CTNNA3: variants seen among roughly 807,000 people sequenced by gnomAD.
CTNNA3 encodes catenin alpha 3.
In CTNNA3, 76 loss-of-function variants were observed where a neutral mutation model predicts 95.7. That is an observed-to-expected ratio of 0.79 (90% CI 0.66 to 0.96). The LOEUF (loss-of-function observed/expected upper bound fraction) is 0.96, where lower values mean the gene tolerates loss of function less well. Ranked by LOEUF, CTNNA3 falls within the 40% of genes least tolerant of loss-of-function variation. The pLI is 0.00. For missense variants in CTNNA3, 1,191 were observed against 1,089.8 expected (o/e 1.09, Z -1.31); for synonymous variants, 431 against 374.4 (o/e 1.15, Z -1.74).
intron 7 of CTNNA3, among the ~76,000 whole-genome samples, chr10:67,014,060 C>CT (rs1325697863): frequency 1.3e-5 from 2 of 151,958 alleles, no homozygotes; most frequent in Non-Finnish European, 2.9e-5. Context: ...AAAAAATAAC[C>CT]TTTTTTCCCC....
At chr10:66,660,450 C>A (rs911713497) in intron 9 of CTNNA3, among the ~76,000 whole-genome samples, 1 of 152,266 alleles carries the variant, frequency 6.6e-6, no homozygotes, top group East Asian at 1.9e-4. Context: ...GGACAACCTT[C>A]ATACTGCTGT....
chr10:66,957,569 A>G (rs1848891850), intron 7 of CTNNA3, among the ~76,000 whole-genome samples: 2 of 151,610 alleles, frequency 1.3e-5, no homozygotes, highest in South Asian at 4.1e-4. Context: ...CAGTCCCAGC[A>G]CTGGTGCTTA....
intron 3 of CTNNA3, among the ~76,000 whole-genome samples, chr10:67,549,129 A>G (rs575663205): frequency 6.6e-4 from 100 of 152,300 alleles, no homozygotes; most frequent in Middle Eastern, 6.8e-3. Context: ...TGTGTAGTCA[A>G]AAACACAAGG....
rs374136357 is a variant in CTNNA3 at position 66,769,160 on chromosome 10, T to C, written c.1129-2744A>G. ...CCCTTTGCTTTGCTGGAAATACATATTGATTTATTGCCAAAGCAAGAATAA... is the reference window on the plus strand; with the variant it reads ...CCCTTTGCTTTGCTGGAAATACATACTGATTTATTGCCAAAGCAAGAATAA... On this transcript the variant is annotated intron_variant, in intron 8 of 17. Coordinates refer to ENST00000433211, the MANE Select transcript of CTNNA3 (RefSeq NM_013266.4). Among the ~76,000 whole-genome samples, 3 of 152,354 alleles carry C rather than the reference T, an allele frequency of 2.0e-5. No individual in the cohort carries two copies. The South Asian group carries it at 6.2e-4, about 32-fold the overall frequency.
chr10:67,302,024 AAAGAAAG>A (rs1840327584), intron 5 of CTNNA3, among the ~76,000 whole-genome samples: 1 of 40,102 alleles, frequency 2.5e-5, no homozygotes, highest in Non-Finnish European at 4.3e-5. Flanking sequence ...AGAAAGAAAG[AAAGAAAG>A]AAAGAAAGAA....
chr10:67,594,731 TA>T (rs1002662748), intron 3 of CTNNA3, among the ~76,000 whole-genome samples: 1 of 152,170 alleles, frequency 6.6e-6, no homozygotes, highest in Non-Finnish European at 1.5e-5. Flanking sequence ...TTTTATTTTT[TA>T]AAAAAATTAT....
chr10:66,498,703 G>C (rs1247603913), intron 11 of CTNNA3, among the ~76,000 whole-genome samples: 1 of 152,134 alleles, frequency 6.6e-6, no homozygotes. Flanking sequence ...TTGGTGAAAG[G>C]TGCAGAGTGA....
chr10:66,478,998 G>C (rs1230932281), intron 11 of CTNNA3, among the ~76,000 whole-genome samples: 1 of 151,634 alleles, frequency 6.6e-6, no homozygotes, highest in African/African-American at 2.4e-5. Flanking sequence ...AGGTCATAAA[G>C]ATATTCACCT....
chr10:67,318,894 A>G (rs1050426653), intron 5 of CTNNA3, among the ~76,000 whole-genome samples: 1 of 152,226 alleles, frequency 6.6e-6, no homozygotes, highest in Non-Finnish European at 1.5e-5. Flanking sequence ...CCTAACTGCT[A>G]CCCTTCAAAA....
At chr10:67,149,985 C>G (rs1564925583) in intron 7 of CTNNA3, among the ~76,000 whole-genome samples, 1 of 152,096 alleles carries the variant, frequency 6.6e-6, no homozygotes, top group East Asian at 1.9e-4. Flanking sequence ...CAGAAGATTT[C>G]AATGCACATT....
intron 11 of CTNNA3, among the ~76,000 whole-genome samples, chr10:66,513,830 C>T (rs1410897681): frequency 1.3e-5 from 2 of 152,154 alleles, no homozygotes; most frequent in African/African-American, 4.8e-5. Context: ...GGGAGAGCCT[C>T]CCTGACGTGC....
At chr10:67,696,474 G>C (rs957849455), upstream of CTNNA3, among the ~76,000 whole-genome samples, 6 of 152,166 alleles carry the variant, frequency 3.9e-5, no homozygotes, top group East Asian at 1.2e-3. Flanking sequence ...CACATCAAAA[G>C]ATCAATTATG....
chr10:67,087,704 T>C (rs1857385886), intron 7 of CTNNA3, among the ~76,000 whole-genome samples: 2 of 152,118 alleles, frequency 1.3e-5, no homozygotes, highest in South Asian at 4.1e-4. Context: ...GCTAATGTCA[T>C]AATGGCCTGG....
At chr10:66,689,897 C>A (rs1289933137) in intron 9 of CTNNA3, among the ~76,000 whole-genome samples, 1 of 152,086 alleles carries the variant, frequency 6.6e-6, no homozygotes, top group Non-Finnish European at 1.5e-5. Context: ...TCTAGTCCCA[C>A]AAACAAGATA....
At chr10:66,086,179 C>T (rs10996884) in intron 14 of CTNNA3, among the ~76,000 whole-genome samples, 29,028 of 152,150 alleles carry the variant, frequency 0.19, 3,213 homozygotes, top group Admixed American at 0.25. Context: ...AGACCCTCTG[C>T]TCAAGAGGCA....
rs1050307939 is a variant in CTNNA3 at position 67,555,731 on chromosome 10, T to C, written c.293-16062A>G. On this transcript the variant is annotated intron_variant, in intron 3 of 17. Transcript: ENST00000433211. Reference sequence around the variant, plus strand: ...ACAATTTGACTTCCTCTTTTCCTAATTGAATACCCTTTATTTCTTTCTCCT... The same window carrying C: ...ACAATTTGACTTCCTCTTTTCCTAACTGAATACCCTTTATTTCTTTCTCCT... 7.2e-5 allele frequency among the ~76,000 whole-genome samples: 11 copies of C among 152,162 alleles called. No individual in the cohort carries two copies. The South Asian group carries it at 1.0e-3, about 14-fold the overall frequency.
chr10:67,411,693 T>C (rs1316131056), intron 5 of CTNNA3, among the ~76,000 whole-genome samples: 1 of 152,138 alleles, frequency 6.6e-6, no homozygotes, highest in East Asian at 1.9e-4. Context: ...AAAATGATAC[T>C]CTGGCAAATA....
Position 66,387,658 on chromosome 10 carries a change from C to T in CTNNA3, c.1532-8306G>A, listed in dbSNP as rs530382670. 8.3e-4 allele frequency among the ~76,000 whole-genome samples: 127 copies of T among 152,244 alleles called. 1 individual carries two copies. Among genetic ancestry groups the T allele is most frequent in the Non-Finnish European group, 1.3e-3 (91 of 68,018 alleles). The stretch of plus-strand genomic sequence containing the variant: ...GACACATGCACACGTATGTTTATTG[C>T]TGCACTATTCACAATAGCAAAGACT... On this transcript the variant is annotated intron_variant, in intron 11 of 17. Coordinates refer to ENST00000433211, the MANE Select transcript of CTNNA3 (RefSeq NM_013266.4).
rs999577678 is a variant in CTNNA3, at chr10:66,064,577, G to T, written c.2159+4731C>A. Among the ~76,000 whole-genome samples the T allele has an allele frequency of 6.6e-5, 10 of 152,246 alleles. No homozygotes were observed. The East Asian group carries it at 1.9e-3, about 29-fold the overall frequency. ...GACCCCCCAGGGAAAAGCATTCACCGTTGATGCTCCATCAAGCTGGTGTGT... is the reference window on the plus strand; with the variant it reads ...GACCCCCCAGGGAAAAGCATTCACCTTTGATGCTCCATCAAGCTGGTGTGT... On this transcript the variant is annotated intron_variant, in intron 15 of 17. Transcript: ENST00000433211.
Sources: allele counts gnomAD v4.1 joint callset (sites outside exome capture counted in the v4.1 genomes callset), GRCh38; gene constraint gnomAD v4.1.1; transcripts MANE v1.5; gene names NCBI Gene and HGNC (gene_info 2026-07-23, HGNC 2026-07-21).